Variants in COG5 observed in about 807,000 individuals in gnomAD.
COG5 encodes the protein component of oligomeric golgi complex 5.
A neutral mutation model predicts 110.4 loss-of-function variants in COG5; 86 were observed. The ratio of observed to expected loss-of-function variants is 0.78; its 90% CI spans 0.65 to 0.93. The LOEUF is 0.93. COG5 is among the 40% of genes least tolerant of loss of function. COG5 has a pLI of 0.00. For missense variants in COG5, 1,077 were observed against 987.0 expected, an observed-to-expected ratio of 1.09 and a Z score of -1.22; for synonymous variants, 360 against 334.6, an observed-to-expected ratio of 1.08 and a Z score of -0.83.
At chr7:107,558,153 C>A in intron 1 of COG5, 38 bp from the exon 2 acceptor site, 1 of 1,600,634 alleles carries the variant, frequency 6.2e-7, no homozygotes, top group East Asian at 2.2e-5. Context: ...TCCTTAATTA[C>A]CCTGTACTAA....
At chr7:107,450,758 C>G (rs1795283557) in intron 6 of COG5, among the ~76,000 whole-genome samples, 1 of 152,150 alleles carries the variant, frequency 6.6e-6, no homozygotes, top group African/African-American at 2.4e-5. Flanking sequence ...TACTGCCAGT[C>G]TTTTGGTTGT....
Position 107,385,840 on chromosome 7 carries a change from G to A in COG5, c.670-13080C>T, listed in dbSNP as rs1584758161. 2.7e-5 allele frequency among the ~76,000 whole-genome samples: 4 copies of A among 150,604 alleles called. No individual in the cohort carries two copies. The South Asian group carries it at 8.4e-4, about 32-fold the overall frequency. ...TTTTTTTTTGATGGACACCTTAATG[G>A]GTGGAGGTAATATCCCATTGTGGTT... is the stretch of plus-strand genomic sequence containing the variant. On this transcript the variant is annotated intron_variant, in intron 7 of 21. Coordinates refer to ENST00000297135, the MANE Select transcript of COG5 (RefSeq NM_006348.5).
intron 11 of COG5, among the ~76,000 whole-genome samples, chr7:107,301,289 CA>C (rs1179005497): frequency 2.6e-5 from 4 of 151,524 alleles, no homozygotes; most frequent in East Asian, 3.9e-4. Flanking sequence ...GTCTGCTCTT[CA>C]AAAAAAATAC....
intron 14 of COG5, 121 bp from the exon 15 acceptor site, chr7:107,258,504 T>C: frequency 8.2e-6 from 6 of 728,994 alleles, no homozygotes; most frequent in Non-Finnish European, 1.5e-5. Context: ...GAGAAGTTCA[T>C]GCCCCTCTGA....
chr7:107,481,769 CA>C (rs767094592), intron 6 of COG5, among the ~76,000 whole-genome samples: 153 of 152,222 alleles, frequency 1.0e-3, no homozygotes, highest in Middle Eastern at 3.4e-3. Flanking sequence ...TTCTTATAAA[CA>C]ACAAAATGCT....
chr7:107,334,583 C>A (rs1584692247), intron 10 of COG5, among the ~76,000 whole-genome samples: 1 of 151,846 alleles, frequency 6.6e-6, no homozygotes, highest in East Asian at 1.9e-4. Context: ...ATTGGTCTGG[C>A]AACAGACTTC....
At chr7:107,276,844 T>C (rs1175865960) in intron 14 of COG5, among the ~76,000 whole-genome samples, 1 of 152,198 alleles carries the variant, frequency 6.6e-6, no homozygotes, top group African/African-American at 2.4e-5. Context: ...CTTAGTAAAT[T>C]AATTATAACC....
At chr7:107,206,393 A>G (rs899868139) in intron 21 of COG5, among the ~76,000 whole-genome samples, 1 of 152,220 alleles carries the variant, frequency 6.6e-6, no homozygotes, top group Non-Finnish European at 1.5e-5. Context: ...GTTTTGTGAG[A>G]TGCCTTAGTT....
intron 5 of COG5, among the ~76,000 whole-genome samples, chr7:107,541,110 C>T (rs1413707197): frequency 6.6e-6 from 1 of 150,912 alleles, no homozygotes; most frequent in Non-Finnish European, 1.5e-5. Flanking sequence ...AAGATCCTGC[C>T]ACTGCACCCC....
At chr7:107,542,341 A>C (rs1207838819) in intron 5 of COG5, among the ~76,000 whole-genome samples, 1 of 152,200 alleles carries the variant, frequency 6.6e-6, no homozygotes, top group Non-Finnish European at 1.5e-5. Context: ...CCACACACCT[A>C]AAATATTAGC....
At chr7:107,502,415 C>T (rs902344173) in intron 6 of COG5, among the ~76,000 whole-genome samples, 1 of 152,082 alleles carries the variant, frequency 6.6e-6, no homozygotes, top group African/African-American at 2.4e-5. Flanking sequence ...TTTATTCACT[C>T]ATTGGTCAAT....
chr7:107,474,887 G>A lies in COG5; in HGVS notation c.538+52350C>T. 6.2e-7 allele frequency: 1 copy of A among 1,613,240 alleles called. No individual in the cohort carries two copies. The highest frequency in any genetic ancestry group is 8.5e-7 in the Non-Finnish European group (1 of 1,179,512). On this transcript the variant is annotated intron_variant, in intron 6 of 21. Transcript: ENST00000297135. The surrounding 1 kb of genome is among the most constrained non-coding windows in gnomAD (Gnocchi z 5.7). ...GCTACAGACATGTCACAAAGCAGTG[G>A]TGGGAGAAATGTAGTCTTTGGTGTA...
intron 5 of COG5, among the ~76,000 whole-genome samples, chr7:107,541,213 T>C (rs923824693): frequency 6.6e-6 from 1 of 151,036 alleles, no homozygotes; most frequent in African/African-American, 2.4e-5. Context: ...AACATGAATG[T>C]CAGCCGGACA....
intron 19 of COG5, among the ~76,000 whole-genome samples, chr7:107,217,966 C>T (rs989562985): frequency 1.3e-5 from 2 of 151,862 alleles, no homozygotes; most frequent in African/African-American, 4.8e-5. Flanking sequence ...TATCCAAAAC[C>T]AAAAAGATAC....
chr7:107,517,000 G>C (rs141704096), intron 6 of COG5, among the ~76,000 whole-genome samples: 18 of 152,324 alleles, frequency 1.2e-4, no homozygotes, highest in African/African-American at 3.1e-4. Context: ...CTGGACGGAG[G>C]ATGAGATGAA....
intron 16 of COG5, among the ~76,000 whole-genome samples, chr7:107,250,025 G>T (rs1403577460): frequency 6.6e-6 from 1 of 152,072 alleles, no homozygotes; most frequent in Non-Finnish European, 1.5e-5. Context: ...AAGAAGTTAG[G>T]AATTTATCCT....
At chr7:107,562,380 C>T (rs1286471656) in intron 1 of COG5, among the ~76,000 whole-genome samples, 4 of 152,214 alleles carry the variant, frequency 2.6e-5, no homozygotes. Context: ...CAGTTTAAAA[C>T]GTCTCCACCT....
At chr7:107,555,219 GAAC>G (rs1392624523) in intron 2 of COG5, among the ~76,000 whole-genome samples, 2 of 152,014 alleles carry the variant, frequency 1.3e-5, no homozygotes, top group African/African-American at 4.8e-5. Flanking sequence ...CAGATGGCCA[GAAC>G]AAAAAAACCA....
At chr7:107,491,388 TACTC>T (rs1277714362) in intron 6 of COG5, among the ~76,000 whole-genome samples, 1 of 152,138 alleles carries the variant, frequency 6.6e-6, no homozygotes, top group Non-Finnish European at 1.5e-5. Flanking sequence ...CATTTTATCC[TACTC>T]ACTCTCTTAC....
Sources: gnomAD v4.1 joint callset for allele counts (sites outside exome capture counted in the v4.1 genomes callset) on GRCh38, gnomAD v4.1.1 for gene constraint, Gnocchi (gnomAD v3.1) non-coding constraint, MANE v1.5 for transcripts, NCBI Gene and HGNC (gene_info 2026-07-23, HGNC 2026-07-21) for gene names.